Variants in CNTNAP2 observed in about 807,000 individuals in gnomAD.
CNTNAP2 encodes the protein contactin-associated protein-like 2.
In CNTNAP2, 98 loss-of-function variants were observed where a neutral mutation model predicts 155.2. The ratio of observed to expected loss-of-function variants is 0.63; its 90% CI spans 0.54 to 0.75. CNTNAP2 has a LOEUF of 0.75. CNTNAP2 is among the 30% of genes least tolerant of loss of function. CNTNAP2 has a pLI of 0.00. For synonymous variants in CNTNAP2, 651 were observed against 631.2 expected, an observed-to-expected ratio of 1.03 and a Z score of -0.47; for missense variants, 1,727 against 1,688.1, an observed-to-expected ratio of 1.02 and a Z score of -0.40.
Position 147,709,742 on chromosome 7 carries a change from T to C in CNTNAP2, c.2098+70436T>C, listed in dbSNP as rs558447007. Among the ~76,000 whole-genome samples the C allele has an allele frequency of 2.6e-5, 4 of 152,320 alleles. No homozygotes were observed. In the South Asian group the frequency reaches 6.2e-4, roughly 24 times the overall value. On this transcript the variant is annotated intron_variant, in intron 13 of 23. Coordinates refer to ENST00000361727, the MANE Select transcript of CNTNAP2 (RefSeq NM_014141.6). The stretch of plus-strand genomic sequence containing the variant: ...TACTGAGAACTCTTTCTACTTGATG[T>C]CTGATTGCCATCTCCAACAGATTAT...
At chr7:146,832,799 G>A (rs1204649119) in intron 2 of CNTNAP2, among the ~76,000 whole-genome samples, 4 of 151,906 alleles carry the variant, frequency 2.6e-5, no homozygotes, top group South Asian at 2.1e-4. Flanking sequence ...GGGTTCAAGC[G>A]ATTCTCCTGC....
At chr7:147,689,980 A>G (rs1796065300) in intron 13 of CNTNAP2, among the ~76,000 whole-genome samples, 1 of 150,182 alleles carries the variant, frequency 6.7e-6, no homozygotes, top group Non-Finnish European at 1.5e-5. Flanking sequence ...TGGCTTGAGG[A>G]ACTACGGTGT....
chr7:146,617,494 G>C (rs987471596), intron 1 of CNTNAP2, among the ~76,000 whole-genome samples: 1 of 151,560 alleles, frequency 6.6e-6, no homozygotes, highest in Non-Finnish European at 1.5e-5. Flanking sequence ...ATAATTCTAT[G>C]ACTCATTACC....
intron 1 of CNTNAP2, among the ~76,000 whole-genome samples, chr7:146,769,909 A>G (rs993417007): frequency 1.3e-5 from 2 of 152,148 alleles, no homozygotes; most frequent in African/African-American, 4.8e-5. Context: ...CCTGCAGGCC[A>G]TAGTTTTCTA....
At chr7:147,812,585 C>T (rs576808373) in intron 13 of CNTNAP2, among the ~76,000 whole-genome samples, 19 of 152,158 alleles carry the variant, frequency 1.2e-4, no homozygotes, top group African/African-American at 4.3e-4. Flanking sequence ...TTCAGCTGCC[C>T]CCTCCCCACC....
intron 13 of CNTNAP2, among the ~76,000 whole-genome samples, chr7:147,751,396 T>TAAAAAA: frequency 6.9e-6 from 1 of 144,544 alleles, no homozygotes; most frequent in Non-Finnish European, 1.5e-5. Context: ...TGAATTTAGT[T>TAAAAAA]AAAAAAAAAA....
At chr7:146,596,595 C>CAGACAGACAG (rs71165017) in intron 1 of CNTNAP2, among the ~76,000 whole-genome samples, 1 of 104,978 alleles carries the variant, frequency 9.5e-6, no homozygotes, top group South Asian at 3.9e-4. Flanking sequence ...AGAAGGGAGA[C>CAGACAGACAG]AGAGAGAGAG....
chr7:146,926,595 A>G (rs1034215174), intron 3 of CNTNAP2, among the ~76,000 whole-genome samples: 3 of 152,128 alleles, frequency 2.0e-5, no homozygotes, highest in Non-Finnish European at 2.9e-5. Flanking sequence ...TACTCAGTCT[A>G]TTACCCAGGC....
At chr7:146,446,125 T>G (rs1796398437) in intron 1 of CNTNAP2, among the ~76,000 whole-genome samples, 1 of 152,180 alleles carries the variant, frequency 6.6e-6, no homozygotes, top group African/African-American at 2.4e-5. Flanking sequence ...AAGGCAAGAT[T>G]GCCCCAAGGA....
At chr7:146,204,494 C>A (rs1405110) in intron 1 of CNTNAP2, among the ~76,000 whole-genome samples, 2,314 of 152,064 alleles carry the variant, frequency 0.015, 50 homozygotes, top group African/African-American at 0.052. Flanking sequence ...TAGATATTTA[C>A]ATGCCTAGTT....
At chr7:147,598,365 A>G (rs766654647) in intron 12 of CNTNAP2, among the ~76,000 whole-genome samples, 1 of 151,960 alleles carries the variant, frequency 6.6e-6, no homozygotes, top group Non-Finnish European at 1.5e-5. Context: ...CTGGTGTGTG[A>G]TGTTCCCTTC....
intron 1 of CNTNAP2, among the ~76,000 whole-genome samples, chr7:146,729,548 T>C (rs1050506431): frequency 6.6e-6 from 1 of 151,984 alleles, no homozygotes; most frequent in Non-Finnish European, 1.5e-5. Flanking sequence ...ATAACTAGTA[T>C]AGATGAGTAA....
chr7:146,311,475 A>G (rs10281206), intron 1 of CNTNAP2, among the ~76,000 whole-genome samples: 1 of 152,044 alleles, frequency 6.6e-6, no homozygotes, highest in Admixed American at 6.6e-5. Context: ...TATTAAAAAT[A>G]TGAGATTTTA....
chr7:147,585,277 T>C (rs963856623), intron 12 of CNTNAP2, among the ~76,000 whole-genome samples: 3 of 152,034 alleles, frequency 2.0e-5, no homozygotes, highest in Admixed American at 2.0e-4. Context: ...TTTCAAATAA[T>C]GCAGTATATC....
chr7:147,562,046 G>T (rs762830234), intron 11 of CNTNAP2, 92 bp from the exon 12 acceptor site: 10 of 1,525,340 alleles, frequency 6.6e-6, no homozygotes, highest in Middle Eastern at 1.7e-4. Context: ...CTAACTAGTG[G>T]TTTGCTAGCA....
At chr7:146,306,655 C>T (rs891550841) in intron 1 of CNTNAP2, among the ~76,000 whole-genome samples, 1 of 152,026 alleles carries the variant, frequency 6.6e-6, no homozygotes, top group Non-Finnish European at 1.5e-5. Flanking sequence ...GGCTTCATCC[C>T]TGGGATTCAA....
At chr7:147,775,299 ATATATT>A (rs1234041411) in intron 13 of CNTNAP2, among the ~76,000 whole-genome samples, 1 of 48,178 alleles carries the variant, frequency 2.1e-5, no homozygotes, top group African/African-American at 1.6e-4. Flanking sequence ...ATATATTTAT[ATATATT>A]TATAAATATA....
intron 3 of CNTNAP2, among the ~76,000 whole-genome samples, chr7:146,918,718 G>A (rs557683068): frequency 6.6e-6 from 1 of 152,324 alleles, no homozygotes; most frequent in East Asian, 1.9e-4. Flanking sequence ...GTATTTGGAT[G>A]TCTAGATCCC....
intron 1 of CNTNAP2, among the ~76,000 whole-genome samples, chr7:146,288,755 C>T (rs1584850279): frequency 1.3e-5 from 2 of 149,124 alleles, no homozygotes; most frequent in African/African-American, 5.0e-5. Context: ...TGTAATCTGC[C>T]TATAAGTGTA....
Sources: gnomAD v4.1 joint callset for allele counts (sites outside exome capture counted in the v4.1 genomes callset) on GRCh38, gnomAD v4.1.1 for gene constraint, MANE v1.5 for transcripts, NCBI Gene and HGNC (gene_info 2026-07-23, HGNC 2026-07-21) for gene names.